DNAJC5: variants seen among roughly 807,000 people sequenced by gnomAD.
DNAJC5 encodes the protein dnaJ homolog subfamily C member 5.
Under a neutral mutation model 23.2 loss-of-function variants are expected in DNAJC5, and 1 was observed. That is an observed-to-expected ratio of 0.04 (90% CI 0.02 to 0.20). DNAJC5 has a LOEUF of 0.20. Ranked by LOEUF, DNAJC5 falls within the 10% of genes least tolerant of loss-of-function variation. The probability of loss-of-function intolerance (pLI) is 1.00; values close to 1 mark genes in which losing one functional copy is unlikely to be tolerated. For missense variants in DNAJC5, 180 were observed against 267.0 expected (o/e 0.67, Z 2.27); for synonymous variants, 136 against 120.0 (o/e 1.13, Z -0.87).
In DNAJC5 at chr20:63,921,813, C is replaced by G. The variant is rs574946711; in HGVS notation, c.-11-6522C>G. On this transcript the variant is annotated intron_variant, in intron 1 of 4. Coordinates refer to ENST00000360864, the MANE Select transcript of DNAJC5 (RefSeq NM_025219.3). ...TTTTTTTTGGAGACAGGGTCTCACTCTGTCACCCAGGCTGACGTCCAGTGG... is the reference window on the plus strand; with the variant it reads ...TTTTTTTTGGAGACAGGGTCTCACTGTGTCACCCAGGCTGACGTCCAGTGG... Among the ~76,000 whole-genome samples, 146 of 152,096 alleles carry G rather than the reference C, an allele frequency of 9.6e-4. 1 individual carries two copies. Among genetic ancestry groups the G allele is most frequent in the African/African-American group, 3.2e-3 (133 of 41,504 alleles).
At chr20:63,921,309 A>G (rs1214673371) in intron 1 of DNAJC5, among the ~76,000 whole-genome samples, 1 of 152,044 alleles carries the variant, frequency 6.6e-6, no homozygotes, top group Non-Finnish European at 1.5e-5. Flanking sequence ...GTTCTGACTG[A>G]GGCCGGGCCT....
intron 1 of DNAJC5, among the ~76,000 whole-genome samples, chr20:63,909,738 G>T (rs1254825637): frequency 6.6e-6 from 1 of 152,216 alleles, no homozygotes; most frequent in Admixed American, 6.5e-5. Flanking sequence ...CTACTGAATC[G>T]ATTGCTGGTT....
Position 63,931,647 on chromosome 20 carries a change from G to C in DNAJC5, c.*79G>C, listed in dbSNP as rs2053672860. 7.1e-7 allele frequency: 1 copy of C among 1,417,030 alleles called. No homozygotes were observed. Among genetic ancestry groups the C allele is most frequent in the South Asian group, 1.2e-5 (1 of 81,612 alleles). 87.8% of individuals were successfully genotyped at this position (1,417,030 alleles called of 1,614,324 possible). A position where few individuals can be genotyped will look rare whatever the true frequency, so the allele number is the denominator to read the frequency against. On this transcript the variant is annotated 3_prime_UTR_variant, in exon 5 of 5. Transcript: ENST00000360864. The surrounding 1 kb of genome is among the most constrained non-coding windows in gnomAD (Gnocchi z 9.6). ...TAGAATCATGAACTGTAGTCACAGA[G>C]ATGGGAAGGCAGCCTCCTGCCTGCC... is the stretch of plus-strand genomic sequence containing the variant.
intron 1 of DNAJC5, among the ~76,000 whole-genome samples, chr20:63,910,651 A>G (rs998412858): frequency 9.3e-5 from 14 of 150,254 alleles, no homozygotes; most frequent in Non-Finnish European, 1.9e-4. Context: ...CTGCTCTCCA[A>G]GTAATAGGGT....
intron 1 of DNAJC5, among the ~76,000 whole-genome samples, chr20:63,926,015 A>T (rs775295668): frequency 6.6e-6 from 1 of 151,868 alleles, no homozygotes; most frequent in African/African-American, 2.4e-5. Flanking sequence ...TTTTTATTAG[A>T]GATGGGGTTT....
Position 63,920,673 on chromosome 20 carries a change from T to TTTTTAA in DNAJC5, c.-11-7657_-11-7656insATTTTA, listed in dbSNP as rs2053563245. ...CTTTTTGTTTGCTTTTAATTTTTAA[T>TTTTTAA]TTTTATTTATTTATTTATTTTTGAG... On this transcript the variant is annotated intron_variant, in intron 1 of 4. Transcript: ENST00000360864. The surrounding 1 kb of genome is among the most constrained non-coding windows in gnomAD (Gnocchi z 4.6). 6.6e-6 allele frequency among the ~76,000 whole-genome samples: 1 copy of TTTTTAA among 152,202 alleles called. No individual in the cohort carries two copies. The highest frequency in any genetic ancestry group is 1.5e-5 in the Non-Finnish European group (1 of 68,040).
rs755198102 is a variant in DNAJC5 at position 63,921,585 on chromosome 20, C to T, written c.-11-6750C>T. Among the ~76,000 whole-genome samples the T allele has an allele frequency of 2.9e-4, 38 of 132,286 alleles. No homozygotes were observed. The East Asian group carries it at 6.3e-3, about 22-fold the overall frequency. The allele number at this position is 132,286 out of a possible 152,430, so 86.8% of individuals were successfully genotyped here. A position where few individuals can be genotyped will look rare whatever the true frequency, so the allele number is the denominator to read the frequency against. On this transcript the variant is annotated intron_variant, in intron 1 of 4. Transcript: ENST00000360864. ...CAGCCTGGGAGACAGAGCGAGACTC[C>T]GTCTCAAAAAAAAAAAAAAAGAGTT...
At position 63,929,622 on chromosome 20, in the gene DNAJC5, C is replaced by T; in HGVS notation, c.321+97C>T. ...CGTGCGGGCACCCGAGTCACTCCTG[C>T]CGTGCGGGCACCCGAGTCTCTCCTG... On this transcript the variant is annotated intron_variant, in intron 3 of 4. Coordinates refer to ENST00000360864, the MANE Select transcript of DNAJC5 (RefSeq NM_025219.3). The surrounding 1 kb of genome is among the most constrained non-coding windows in gnomAD (Gnocchi z 8.6). The T allele has an allele frequency of 8.0e-7, 1 of 1,242,642 alleles. No individual in the cohort carries two copies. The highest frequency in any genetic ancestry group is 1.1e-6 in the Non-Finnish European group (1 of 874,350). 77.0% of individuals were successfully genotyped at this position (1,242,642 alleles called of 1,614,324 possible).
intron 1 of DNAJC5, among the ~76,000 whole-genome samples, chr20:63,904,241 A>C (rs817377): frequency 0.36 from 54,363 of 152,018 alleles, 10,535 homozygotes; most frequent in East Asian, 0.63. Context: ...AATAAGCACA[A>C]ATAATGTCAT....
At chr20:63,898,209 C>T (rs1402496572) in intron 1 of DNAJC5, among the ~76,000 whole-genome samples, 2 of 152,128 alleles carry the variant, frequency 1.3e-5, no homozygotes, top group Non-Finnish European at 2.9e-5. Context: ...GAGGTGCTCA[C>T]GTGTGTGCCT....
intron 1 of DNAJC5, among the ~76,000 whole-genome samples, chr20:63,910,965 G>A (rs1002264960): frequency 5.3e-5 from 8 of 152,170 alleles, no homozygotes; most frequent in Middle Eastern, 3.4e-3. Context: ...CACCATGCCC[G>A]GCCTGTTCAA....
Position 63,931,883 on chromosome 20 carries a change from G to A in DNAJC5, c.*315G>A. 1 of 414,774 alleles carries A rather than the reference G, an allele frequency of 2.4e-6. No homozygotes were observed. Among genetic ancestry groups the A allele is most frequent in the Non-Finnish European group, 4.6e-6 (1 of 218,474 alleles). 25.7% of individuals were successfully genotyped at this position (414,774 alleles called of 1,614,324 possible). A position where few individuals can be genotyped will look rare whatever the true frequency, so the allele number is the denominator to read the frequency against. ...GAACTGCACGGTGGAGCTGCCTCAG[G>A]GCTGTCGGTCAGGTTGGTCCAGTGA... On this transcript the variant is annotated 3_prime_UTR_variant, in exon 5 of 5. Coordinates refer to ENST00000360864, the MANE Select transcript of DNAJC5 (RefSeq NM_025219.3). This position sits in a 1 kb window ranked among gnomAD's most constrained non-coding sequence, Gnocchi z 9.6.
At chr20:63,921,654 G>A (rs925290834) in intron 1 of DNAJC5, among the ~76,000 whole-genome samples, 12 of 152,084 alleles carry the variant, frequency 7.9e-5, no homozygotes, top group African/African-American at 2.4e-4. Context: ...TGAAGACTGC[G>A]AATAACGCTG....
chr20:63,926,105 G>A (rs753118643), intron 1 of DNAJC5, among the ~76,000 whole-genome samples: 4 of 152,166 alleles, frequency 2.6e-5, no homozygotes, highest in Non-Finnish European at 5.9e-5. Context: ...TGGGATTACA[G>A]GCGTGAGCCA....
chr20:63,931,908 A>G lies in DNAJC5; in HGVS notation c.*340A>G. 2.6e-6 allele frequency: 1 copy of G among 385,584 alleles called. No homozygotes were observed. Among genetic ancestry groups the G allele is most frequent in the Non-Finnish European group, 5.0e-6 (1 of 200,626 alleles). 23.9% of individuals were successfully genotyped at this position (385,584 alleles called of 1,614,324 possible). ...GGCTGTCGGTCAGGTTGGTCCAGTGAGGGGTGACTGCAGCCGGTCAGGTGG... is the reference window on the plus strand; with the variant it reads ...GGCTGTCGGTCAGGTTGGTCCAGTGGGGGGTGACTGCAGCCGGTCAGGTGG... On this transcript the variant is annotated 3_prime_UTR_variant, in exon 5 of 5. Coordinates refer to ENST00000360864, the MANE Select transcript of DNAJC5 (RefSeq NM_025219.3). The surrounding 1 kb of genome is among the most constrained non-coding windows in gnomAD (Gnocchi z 9.6).
chr20:63,916,257 A>G (rs1392281256), intron 1 of DNAJC5, among the ~76,000 whole-genome samples: 3 of 152,168 alleles, frequency 2.0e-5, no homozygotes, highest in African/African-American at 7.2e-5. Flanking sequence ...TATCGGGGGA[A>G]CCCGCCCCCA....
chr20:63,915,119 TG>T (rs1042156038), intron 1 of DNAJC5, among the ~76,000 whole-genome samples: 4 of 152,024 alleles, frequency 2.6e-5, no homozygotes, highest in Non-Finnish European at 5.9e-5. Context: ...GGGCACTGGG[TG>T]GGCCTCAGGC....
chr20:63,923,605 G>C (rs1408984038), intron 1 of DNAJC5, among the ~76,000 whole-genome samples: 1 of 152,006 alleles, frequency 6.6e-6, no homozygotes, highest in African/African-American at 2.4e-5. Flanking sequence ...CACACCTGTA[G>C]TCCCAGCTAC....
chr20:63,931,714 C>T lies in DNAJC5; in HGVS notation c.*146C>T, dbSNP rs970519741. The T allele has an allele frequency of 2.2e-5, 17 of 779,330 alleles. No individual in the cohort carries two copies. The highest frequency in any genetic ancestry group is 1.2e-4 in the Admixed American group (6 of 49,640). 48.3% of individuals were successfully genotyped at this position (779,330 alleles called of 1,614,324 possible). On this transcript the variant is annotated 3_prime_UTR_variant, in exon 5 of 5. Transcript: ENST00000360864. This position sits in a 1 kb window ranked among gnomAD's most constrained non-coding sequence, Gnocchi z 9.6. ...CCCTCCTGCCTCCACGCCCACCCAG[C>T]GTCGACCCTTGACCCACGAAGTGCG...
Sources: allele counts gnomAD v4.1 joint callset (sites outside exome capture counted in the v4.1 genomes callset), GRCh38; gene constraint gnomAD v4.1.1; non-coding constraint Gnocchi (gnomAD v3.1); transcripts MANE v1.5; gene names NCBI Gene and HGNC (gene_info 2026-07-23, HGNC 2026-07-21).